The following ATAD2B variants were observed in gnomAD, a reference collection of about 807,000 sequenced individuals.
The protein encoded by ATAD2B is ATPase family AAA domain containing 2B.
Under a neutral mutation model 167.6 loss-of-function variants are expected in ATAD2B, and 40 were observed. The ratio of observed to expected loss-of-function variants is 0.24; its 90% confidence interval spans 0.19 to 0.31. ATAD2B has a LOEUF of 0.31. ATAD2B is among the 10% of genes least tolerant of loss of function. The pLI is 1.00. For missense variants in ATAD2B, 1,242 were observed against 1,757.2 expected, an observed-to-expected ratio of 0.71 and a Z score of 5.24; for synonymous variants, 579 against 596.5, an observed-to-expected ratio of 0.97 and a Z score of 0.43.
At chr2:23,877,891 A>G (rs1182671818) in intron 7 of ATAD2B, among the ~76,000 whole-genome samples, 1 of 151,214 alleles carries the variant, frequency 6.6e-6, no homozygotes, top group East Asian at 2.0e-4. Context: ...ACCCAACTTT[A>G]CAAAAAAATT....
intron 19 of ATAD2B, among the ~76,000 whole-genome samples, chr2:23,790,057 T>C (rs931317830): frequency 2.6e-5 from 4 of 152,194 alleles, no homozygotes; most frequent in African/African-American, 9.6e-5. Flanking sequence ...AGTGCTTTTG[T>C]AGACTACCTT....
intron 7 of ATAD2B, among the ~76,000 whole-genome samples, chr2:23,876,293 T>C (rs531139514): frequency 7.1e-6 from 1 of 139,898 alleles, no homozygotes; most frequent in South Asian, 2.3e-4. Flanking sequence ...GGCCCAGCCC[T>C]GTTAACTTTT....
At chr2:23,913,226 G>C (rs888608493) in intron 1 of ATAD2B, among the ~76,000 whole-genome samples, 2 of 152,092 alleles carry the variant, frequency 1.3e-5, no homozygotes, top group Admixed American at 6.5e-5. Context: ...TCCTACAAAA[G>C]AAATATACAA....
chr2:23,822,585 C>T (rs1572910333), intron 16 of ATAD2B, among the ~76,000 whole-genome samples: 1 of 151,380 alleles, frequency 6.6e-6, no homozygotes. Context: ...CACTCCCCTG[C>T]TCTATATAAT....
chr2:23,687,720 G>A, the ATAD2B span, among the ~76,000 whole-genome samples: 2 of 152,170 alleles, frequency 1.3e-5, no homozygotes, highest in East Asian at 3.9e-4. Context: ...GGCATTGTCC[G>A]GGCAGACAAG....
intron 7 of ATAD2B, among the ~76,000 whole-genome samples, chr2:23,877,706 T>C (rs1175139502): frequency 1.4e-5 from 2 of 147,964 alleles, no homozygotes; most frequent in Non-Finnish European, 3.0e-5. Flanking sequence ...ACCCCATCTG[T>C]AATAAAAATA....
chr2:23,845,957 A>G (rs1373802249), intron 13 of ATAD2B, among the ~76,000 whole-genome samples: 1 of 111,974 alleles, frequency 8.9e-6, no homozygotes, highest in Non-Finnish European at 1.8e-5. Context: ...TTGTTGAGGT[A>G]CTCTAAAAAT....
the ATAD2B span, chr2:23,696,752 C>T: frequency 2.1e-6 from 1 of 465,988 alleles, no homozygotes; most frequent in South Asian, 3.0e-5. This position sits in a 1 kb window ranked among gnomAD's most constrained non-coding sequence, Gnocchi z 5.5. Context: ...AGATGGGGCG[C>T]TTCTGTCCCG....
rs773873729 is a variant in ATAD2B at position 23,782,919 on chromosome 2, T to C, written c.3083A>G (p.Asp1028Gly). 3 of 1,612,566 alleles carry C rather than the reference T, an allele frequency of 1.9e-6. No homozygotes were observed. The highest frequency in any genetic ancestry group is 2.5e-6 in the Non-Finnish European group (3 of 1,179,004). ...LTAKDFLKDI[D>G]LICSNALEYN... ...CTCTAAAGCATTGCTACAGATGAGG[T>C]CAATATCTTTCAGGAAATCCTTTGC... The change falls in exon 22 of 28, where the codon GAC (aspartate) becomes GGC (glycine). Residue 1028 changes from aspartate to glycine, a missense_variant. Physicochemically the swap from Asp to Gly is moderately conservative, Grantham distance 94. Coordinates refer to ENST00000238789, the MANE Select transcript of ATAD2B (RefSeq NM_017552.4).
intron 1 of ATAD2B, among the ~76,000 whole-genome samples, chr2:23,922,674 C>T (rs1489508737): frequency 6.9e-6 from 1 of 145,428 alleles, no homozygotes; most frequent in Middle Eastern, 3.7e-3. Flanking sequence ...ACCACTCCAG[C>T]CTGGGCATCA....
In ATAD2B at chr2:23,888,370, G is replaced by A; in HGVS notation, c.398C>T (p.Pro133Leu). The change falls in exon 3 of 28, where the codon CCA becomes CTA. Residue 133 changes from proline (P) to leucine (L), a missense_variant. Coordinates refer to ENST00000238789, the MANE Select transcript of ATAD2B (RefSeq NM_017552.4). ...RLTSQPGATLPNGHSGLSLRS... is the reference protein window; with the variant it reads ...RLTSQPGATLLNGHSGLSLRS... ...CTCACATAAGCCACTATGTCCATTT[G>A]GTAATGTAGCACCAGGCTGAGAAGT... 1 of 1,591,652 alleles carries A rather than the reference G, an allele frequency of 6.3e-7. No homozygotes were observed. Among genetic ancestry groups the A allele is most frequent in the Non-Finnish European group, 8.5e-7 (1 of 1,169,610 alleles).
intron 13 of ATAD2B, among the ~76,000 whole-genome samples, chr2:23,853,417 C>T (rs1172154017): frequency 1.3e-5 from 2 of 152,110 alleles, no homozygotes; most frequent in African/African-American, 4.8e-5. Context: ...TTTTATAAAC[C>T]AGCAGTAAGC....
chr2:23,888,103 T>A (rs1413841401), intron 3 of ATAD2B, 118 bp from the exon 4 acceptor site: 6 of 847,728 alleles, frequency 7.1e-6, no homozygotes, highest in Non-Finnish European at 1.0e-5. Context: ...ACTTTTTAAA[T>A]GGCTTTAATA....
At chr2:23,880,606 C>T (rs571040583) in intron 7 of ATAD2B, 33 bp downstream of exon 7, 1 of 1,256,556 alleles carries the variant, frequency 8.0e-7, no homozygotes, top group East Asian at 2.4e-5. Flanking sequence ...TACTCAACTA[C>T]CAGAAAGAAA....
intron 5 of ATAD2B, 22 bp downstream of exon 5, chr2:23,885,705 T>C (rs763512283): frequency 9.5e-6 from 13 of 1,362,378 alleles, no homozygotes; most frequent in Middle Eastern, 1.8e-4. Flanking sequence ...TTTACAAAGA[T>C]TGCTACAGCT....
intron 19 of ATAD2B, among the ~76,000 whole-genome samples, chr2:23,788,962 T>G (rs1330645057): frequency 2.0e-5 from 3 of 152,090 alleles, no homozygotes; most frequent in Non-Finnish European, 4.4e-5. Context: ...GCTTTTACAT[T>G]AAGAGGGGAA....
chr2:23,793,898 G>C (rs899271651), intron 19 of ATAD2B, among the ~76,000 whole-genome samples: 5 of 152,124 alleles, frequency 3.3e-5, no homozygotes, highest in African/African-American at 1.2e-4. Flanking sequence ...AAGCCCATTA[G>C]ATATTAACAC....
At chr2:23,866,143 C>G (rs1379986036) in intron 10 of ATAD2B, 1 of 158,142 alleles carries the variant, frequency 6.3e-6, no homozygotes, top group African/African-American at 2.4e-5. Flanking sequence ...CGGTGGCTCA[C>G]GCCTGTAATC....
intron 1 of ATAD2B, among the ~76,000 whole-genome samples, chr2:23,898,975 C>A (rs926288366): frequency 6.6e-6 from 1 of 152,008 alleles, no homozygotes; most frequent in Non-Finnish European, 1.5e-5. Flanking sequence ...ATGGTGAAAC[C>A]CCATCTCTAC....
Sources: allele counts gnomAD v4.1 joint callset (sites outside exome capture counted in the v4.1 genomes callset), GRCh38; gene constraint gnomAD v4.1.1; non-coding constraint Gnocchi (gnomAD v3.1); transcripts MANE v1.5; gene names NCBI Gene and HGNC (gene_info 2026-07-23, HGNC 2026-07-21).